The following KRT80 variants were observed in gnomAD, a reference collection of about 807,000 sequenced individuals.
The protein encoded by KRT80 is keratin 80.
A neutral mutation model predicts 51.5 loss-of-function variants in KRT80; 36 were observed. The observed-to-expected ratio is 0.70, with a 90% CI of 0.54 to 0.92. The LOEUF (loss-of-function observed/expected upper bound fraction) is 0.92, where lower values mean the gene tolerates loss of function less well. Among genes scored for constraint, KRT80 ranks in the 40% least tolerant of loss-of-function variants. The pLI is 0.00. For missense variants in KRT80, 566 were observed against 591.7 expected, an observed-to-expected ratio of 0.96 and a Z score of 0.45; for synonymous variants, 235 against 248.3, an observed-to-expected ratio of 0.95 and a Z score of 0.50.
rs1217383952 is a variant in KRT80, at chr12:52,186,131, C to T, written c.301-544G>A. Among the ~76,000 whole-genome samples, 9 of 152,116 alleles carry T rather than the reference C, an allele frequency of 5.9e-5. 1 individual carries two copies. Among genetic ancestry groups the T allele is most frequent in the Non-Finnish European group, 1.3e-4 (9 of 67,956 alleles). ...TAACACCTGCCTGCGCGGTCCTCTC[C>T]TTCCCTCCACCCTGTCCAGCCGAGC... is the stretch of plus-strand genomic sequence containing the variant. On this transcript the variant is annotated intron_variant, in intron 1 of 8. Transcript: ENST00000394815.
At chr12:52,178,726 G>A (rs1001079608) in intron 4 of KRT80, among the ~76,000 whole-genome samples, 5 of 152,228 alleles carry the variant, frequency 3.3e-5, no homozygotes, top group Non-Finnish European at 5.9e-5. Context: ...CACTTAGTAG[G>A]CATGCAATAA....
Position 52,185,574 on chromosome 12 carries a change from T to A in KRT80, c.314A>T (p.Glu105Val), listed in dbSNP as rs369670148. The change falls in exon 2 of 9, where the codon GAA becomes GTA. Residue 105 changes from glutamate (E) to valine (V), a missense_variant. Coordinates refer to ENST00000394815, the MANE Select transcript of KRT80 (RefSeq NM_182507.3). ...ASLIGKVQALEQRNQLLETRW... is the reference protein window; with the variant it reads ...ASLIGKVQALVQRNQLLETRW... Reference sequence around the variant, plus strand: ...TGTCTCCAGCAGCTGGTTGCGCTGTTCCAGGGCTTGCACCTGGGAGAGCAG... The same window carrying A: ...TGTCTCCAGCAGCTGGTTGCGCTGTACCAGGGCTTGCACCTGGGAGAGCAG... 3.1e-5 allele frequency: 50 copies of A among 1,609,050 alleles called. No individual in the cohort carries two copies. The highest frequency in any genetic ancestry group is 4.2e-5 in the Non-Finnish European group (50 of 1,179,986).
rs753566315 is a variant in KRT80, at chr12:52,171,672, G to T, written c.1220C>A (p.Ser407Tyr). ...AGAGGACTCACCGGTTTTGCACCTG[G>T]ACTGCACAGCGCTGACCACAGTGGC... is the stretch of plus-strand genomic sequence containing the variant. ...PSATVVSAVQ[S>Y]RCKTAASRSG... Residue 407 changes from serine (S) to tyrosine (Y), a missense_variant, in exon 8 of 9, where the codon TCC becomes TAC. Ser to Tyr is a moderately radical substitution (Grantham distance 144). Coordinates refer to ENST00000394815, the MANE Select transcript of KRT80 (RefSeq NM_182507.3). The T allele has an allele frequency of 1.4e-6, 2 of 1,478,568 alleles. No individual in the cohort carries two copies. Among genetic ancestry groups the T allele is most frequent in the East Asian group, 5.7e-5 (2 of 34,822 alleles). 91.6% of individuals were successfully genotyped at this position (1,478,568 alleles called of 1,614,324 possible).
chr12:52,185,536 G>GTCCT lies in KRT80; in HGVS notation c.351_352insAGGA (p.Leu118ArgfsTer17). The GTCCT allele has an allele frequency of 3.1e-6, 5 of 1,612,970 alleles. No homozygotes were observed. Among genetic ancestry groups the GTCCT allele is most frequent in the Non-Finnish European group, 4.2e-6 (5 of 1,180,030 alleles). ...AAGATGGCTGAGTCCTGGCCCTGCA[G>GTCCT]GAAGCTCCAGCGTGTCTCCAGCAGC... On this transcript the variant is annotated frameshift_variant, in exon 2 of 9. Transcript: ENST00000394815. LOFTEE classifies it high-confidence loss of function.
chr12:52,173,884 T>G, intron 4 of KRT80, 120 bp from the exon 5 acceptor site: 2 of 1,013,732 alleles, frequency 2.0e-6, no homozygotes, highest in Admixed American at 2.5e-5. Flanking sequence ...TTCCTGTCCC[T>G]CTGGAGAGAT....
chr12:52,185,669 C>A (rs777545953), intron 1 of KRT80, 82 bp from the exon 2 acceptor site: 1 of 1,548,090 alleles, frequency 6.5e-7, no homozygotes, highest in Non-Finnish European at 8.7e-7. Context: ...CAAGAGCCCA[C>A]GGAGGGCTCC....
In KRT80 at chr12:52,170,905, A is replaced by G. The variant is rs1941081428; in HGVS notation, c.*493T>C. 8 of 156,140 alleles carry G rather than the reference A, an allele frequency of 5.1e-5. No homozygotes were observed. The highest frequency in any genetic ancestry group is 3.8e-4 in the Admixed American group (6 of 15,852). 9.7% of individuals were successfully genotyped at this position (156,140 alleles called of 1,614,324 possible). A position where few individuals can be genotyped will look rare whatever the true frequency, so the allele number is the denominator to read the frequency against. ...TCTTCAGCAGCCAGCCTTCCCAGGA[A>G]TTCCAGATACAGGACAGGGCCCACG... On this transcript the variant is annotated 3_prime_UTR_variant, in exon 9 of 9. Transcript: ENST00000394815.
intron 4 of KRT80, among the ~76,000 whole-genome samples, chr12:52,174,144 C>A (rs1356505414): frequency 6.6e-6 from 1 of 152,226 alleles, no homozygotes. Flanking sequence ...GAGTTGGGCC[C>A]CTCTGTTTAC....
Position 52,185,430 on chromosome 12 carries a change from A to T in KRT80, c.458T>A (p.Leu153Gln). ...CAGCACCTGCAGCAGGTTGGCCTCC[A>T]GCTGCCCCCGCTCCTGGCTCACTTT... is the stretch of plus-strand genomic sequence containing the variant. ...LRKVSQERGQ[L>Q]EANLLQVLEK... is the part of the protein sequence containing the mutation. Residue 153 changes from leucine (L) to glutamine (Q), a missense_variant, in exon 2 of 9, where the codon CTG becomes CAG. By Grantham distance (113) the Leu-to-Gln change is moderately radical. Transcript: ENST00000394815. 6.2e-7 allele frequency: 1 copy of T among 1,614,046 alleles called. No individual in the cohort carries two copies. The highest frequency in any genetic ancestry group is 1.1e-5 in the South Asian group (1 of 91,080).
At chr12:52,180,252 G>T (rs1733041842) in intron 4 of KRT80, among the ~76,000 whole-genome samples, 1 of 152,208 alleles carries the variant, frequency 6.6e-6, no homozygotes. Context: ...CAGTACTCTA[G>T]CACACAAAGG....
chr12:52,179,246 G>A (rs1936253967), intron 4 of KRT80, among the ~76,000 whole-genome samples: 1 of 152,222 alleles, frequency 6.6e-6, no homozygotes. Flanking sequence ...GGAGACAGGA[G>A]ATGGCCCTGC....
chr12:52,172,513 T>G, intron 6 of KRT80, 95 bp from the exon 7 acceptor site: 1 of 1,141,824 alleles, frequency 8.8e-7, no homozygotes, highest in Non-Finnish European at 1.2e-6. Flanking sequence ...TGGGGGTAGG[T>G]GTGGGGAGGG....
intron 1 of KRT80, among the ~76,000 whole-genome samples, chr12:52,187,864 G>A (rs1431448140): frequency 6.6e-6 from 1 of 152,170 alleles, no homozygotes; most frequent in African/African-American, 2.4e-5. Context: ...GGAGAGATGT[G>A]AGGCTCCTTC....
rs1000341502 is a variant in KRT80, at chr12:52,170,460, T to A, written c.*938A>T. 1 of 151,950 alleles carries A rather than the reference T, an allele frequency of 6.6e-6. No individual in the cohort carries two copies. Among genetic ancestry groups the A allele is most frequent in the Admixed American group, 6.6e-5 (1 of 15,242 alleles). The allele number at this position is 151,950 out of a possible 1,614,324, so 9.4% of individuals were successfully genotyped here. On this transcript the variant is annotated 3_prime_UTR_variant, in exon 9 of 9. Coordinates refer to ENST00000394815, the MANE Select transcript of KRT80 (RefSeq NM_182507.3). ...TGGGCCTGGGGCTTCACGGCAGGGG[T>A]GGGACCAGGGGTCTCCAAGGCCTGG...
At chr12:52,188,769 T>G (rs1941441265) in intron 1 of KRT80, among the ~76,000 whole-genome samples, 2 of 152,222 alleles carry the variant, frequency 1.3e-5, no homozygotes, top group Non-Finnish European at 2.9e-5. Context: ...CAGGCAGTCC[T>G]GCCTCTTGCC....
rs772233117 is a variant in KRT80, at chr12:52,172,185, C to T, written c.1178+13G>A. 5.5e-5 allele frequency: 88 copies of T among 1,612,616 alleles called. No individual in the cohort carries two copies. The highest frequency in any genetic ancestry group is 8.3e-5 in the Admixed American group (5 of 60,000). The stretch of plus-strand genomic sequence containing the variant: ...TTCCCCTGCAGCCCTTCCTCACCAG[C>T]CCTGGCTCTCACCTGCCCTCCTCGC... On this transcript the variant is annotated intron_variant, in intron 7 of 8. Transcript: ENST00000394815.
rs1469451302 is a variant in KRT80 at position 52,171,530 on chromosome 12, G to T, written c.1235-8C>A. The T allele has an allele frequency of 1.9e-6, 3 of 1,613,732 alleles. No individual in the cohort carries two copies. The highest frequency in any genetic ancestry group is 2.5e-6 in the Non-Finnish European group (3 of 1,179,890). ...GGCCTGATCTGGAGGCAGCTACAGG[G>T]AACATAAGGGGTAGGGGAGGGAAGG... On this transcript the variant is annotated splice_polypyrimidine_tract_variant and splice_region_variant and intron_variant, in intron 8 of 8. Coordinates refer to ENST00000394815, the MANE Select transcript of KRT80 (RefSeq NM_182507.3).
In KRT80 at chr12:52,171,414, G is replaced by A. The variant is rs76226247; in HGVS notation, c.1343C>T (p.Ser448Leu). ...EMSEKYFSQE[S>L]EVSE ...CCAGCCGCCTTACTCTGAGACCTCCGACTCCTGCGAGAAGTACTTCTCTGA... is the reference window on the plus strand; with the variant it reads ...CCAGCCGCCTTACTCTGAGACCTCCAACTCCTGCGAGAAGTACTTCTCTGA... The change falls in exon 9 of 9, where the codon TCG becomes TTG. Residue 448 changes from serine (S) to leucine (L), a missense_variant. Ser to Leu is a moderately radical substitution (Grantham distance 145). Coordinates refer to ENST00000394815, the MANE Select transcript of KRT80 (RefSeq NM_182507.3). 836 of 1,600,560 alleles carry A rather than the reference G, an allele frequency of 5.2e-4. 12 individuals carry two copies. The African/African-American group carries it at 8.9e-3, about 17-fold the overall frequency.
Position 52,171,338 on chromosome 12 carries a change from T to C in KRT80, c.*60A>G. 1 of 1,495,102 alleles carries C rather than the reference T, an allele frequency of 6.7e-7. No individual in the cohort carries two copies. Among genetic ancestry groups the C allele is most frequent in the Non-Finnish European group, 9.0e-7 (1 of 1,113,716 alleles). 92.6% of individuals were successfully genotyped at this position (1,495,102 alleles called of 1,614,324 possible). A position where few individuals can be genotyped will look rare whatever the true frequency, so the allele number is the denominator to read the frequency against. ...AGAGGCTCCAAGCTGCTTTCTTGAGTCTAGCTTAAGTCCCTCCTGCTGCAG... is the reference window on the plus strand; with the variant it reads ...AGAGGCTCCAAGCTGCTTTCTTGAGCCTAGCTTAAGTCCCTCCTGCTGCAG... On this transcript the variant is annotated 3_prime_UTR_variant, in exon 9 of 9. Coordinates refer to ENST00000394815, the MANE Select transcript of KRT80 (RefSeq NM_182507.3).
Sources: gnomAD v4.1 joint callset for allele counts (sites outside exome capture counted in the v4.1 genomes callset) on GRCh38, gnomAD v4.1.1 for gene constraint, MANE v1.5 for transcripts, NCBI Gene and HGNC (gene_info 2026-07-23, HGNC 2026-07-21) for gene names.